The following CNTN4 variants were observed in gnomAD, a reference collection of about 807,000 sequenced individuals.
The protein encoded by CNTN4 is contactin 4.
CNTN4 carries 77 observed loss-of-function variants against 122.5 expected under a neutral mutation model. The ratio of observed to expected loss-of-function variants is 0.63; its 90% CI spans 0.52 to 0.76. CNTN4 has a LOEUF of 0.76. Among genes scored for constraint, CNTN4 ranks in the 30% least tolerant of loss-of-function variants. The pLI, the probability that CNTN4 is intolerant of heterozygous loss-of-function variation, is 0.00. For missense variants in CNTN4, 1,256 were observed against 1,259.1 expected, an observed-to-expected ratio of 1.00 and a Z score of 0.04; for synonymous variants, 512 against 447.0, an observed-to-expected ratio of 1.15 and a Z score of -1.83.
chr3:2,474,633 TCA>T (rs1559586704), intron 3 of CNTN4, among the ~76,000 whole-genome samples: 1 of 152,200 alleles, frequency 6.6e-6, no homozygotes, highest in Non-Finnish European at 1.5e-5. Flanking sequence ...TAAGGCAGTC[TCA>T]CACCCTATTA....
intron 2 of CNTN4, among the ~76,000 whole-genome samples, chr3:2,180,479 G>A (rs1025828345): frequency 1.2e-4 from 19 of 152,026 alleles, no homozygotes; most frequent in Middle Eastern, 3.4e-3. Flanking sequence ...CACATATTTT[G>A]GGTCCACTTG....
chr3:2,111,462 A>T (rs969227712), intron 2 of CNTN4, among the ~76,000 whole-genome samples: 1 of 152,166 alleles, frequency 6.6e-6, no homozygotes, highest in African/African-American at 2.4e-5. Flanking sequence ...CTCTTAAGAA[A>T]AGAAACATAA....
chr3:2,492,202 T>C (rs2076337804), intron 3 of CNTN4, among the ~76,000 whole-genome samples: 2 of 152,196 alleles, frequency 1.3e-5, no homozygotes, highest in South Asian at 4.1e-4. Context: ...TACTGTTGAA[T>C]TTTGATGTAA....
Position 3,057,641 on chromosome 3 carries a change from A to G in CNTN4, c.*1421A>G, listed in dbSNP as rs1701894830. The G allele has an allele frequency of 6.6e-6, 1 of 152,638 alleles. No homozygotes were observed. The highest frequency in any genetic ancestry group is 6.5e-5 in the Admixed American group (1 of 15,276). 9.5% of individuals were successfully genotyped at this position (152,638 alleles called of 1,614,324 possible). ...TGTCATTTTTGCTTACAAATAATAT[A>G]ACTTTTCAACCTTCTAGTTATATTT... On this transcript the variant is annotated 3_prime_UTR_variant, in exon 25 of 25. Coordinates refer to ENST00000418658, the MANE Select transcript of CNTN4 (RefSeq NM_175607.3).
At chr3:2,823,159 G>T (rs35619287) in intron 7 of CNTN4, among the ~76,000 whole-genome samples, 92,763 of 151,952 alleles carry the variant, frequency 0.61, 29,019 homozygotes, top group East Asian at 0.74. Context: ...ACCCTAAAGC[G>T]AGAAGAATCA....
chr3:2,642,003 C>T (rs761480049), intron 4 of CNTN4, among the ~76,000 whole-genome samples: 3 of 152,132 alleles, frequency 2.0e-5, no homozygotes, highest in Admixed American at 6.5e-5. Flanking sequence ...TCTAGAGGGA[C>T]AGAACTAATA....
chr3:2,172,809 A>G (rs922107647), intron 2 of CNTN4, among the ~76,000 whole-genome samples: 2 of 152,198 alleles, frequency 1.3e-5, no homozygotes, highest in Non-Finnish European at 2.9e-5. Context: ...AGAGGTAGTA[A>G]AAACCTGGAT....
intron 13 of CNTN4, among the ~76,000 whole-genome samples, chr3:2,943,904 G>A (rs1577354505): frequency 6.6e-6 from 1 of 151,828 alleles, no homozygotes; most frequent in South Asian, 2.1e-4. Context: ...GCCACAAACA[G>A]TTCCCTAGCA....
In CNTN4 at chr3:3,034,733, A is replaced by G; in HGVS notation, c.1885A>G (p.Met629Val). ...PGPDNHSPIT[M>V]YVIQARTPFS... Reference sequence around the variant, plus strand: ...GCCTGACAACCACAGCCCCATCACCATGTATGTCATTCAAGCCAGGACTCC... The same window carrying G: ...GCCTGACAACCACAGCCCCATCACCGTGTATGTCATTCAAGCCAGGACTCC... Residue 629 changes from methionine to valine, a missense_variant, in exon 17 of 25, where the codon ATG becomes GTG. By Grantham distance (21) the Met-to-Val change is conservative. Coordinates refer to ENST00000418658, the MANE Select transcript of CNTN4 (RefSeq NM_175607.3). 2 of 1,613,964 alleles carry G rather than the reference A, an allele frequency of 1.2e-6. No individual in the cohort carries two copies. Among genetic ancestry groups the G allele is most frequent in the Non-Finnish European group, 1.7e-6 (2 of 1,179,970 alleles).
At chr3:2,410,299 C>G (rs1037613151) in intron 3 of CNTN4, among the ~76,000 whole-genome samples, 8 of 152,126 alleles carry the variant, frequency 5.3e-5, no homozygotes, top group Admixed American at 3.9e-4. Context: ...TGGAATAGAA[C>G]AGAGAATTCT....
intron 6 of CNTN4, among the ~76,000 whole-genome samples, chr3:2,783,972 T>A (rs2091709720): frequency 6.6e-6 from 1 of 152,258 alleles, no homozygotes; most frequent in African/African-American, 2.4e-5. Context: ...TATACTCTTT[T>A]ATTAACCATA....
chr3:2,443,188 A>T (rs551667193), intron 3 of CNTN4, among the ~76,000 whole-genome samples: 1 of 151,746 alleles, frequency 6.6e-6, no homozygotes, highest in Non-Finnish European at 1.5e-5. Context: ...TAGAATTCAG[A>T]GGGATAAGTT....
intron 3 of CNTN4, among the ~76,000 whole-genome samples, chr3:2,424,943 A>T (rs760423356): frequency 4.7e-4 from 72 of 152,036 alleles, no homozygotes; most frequent in Non-Finnish European, 8.5e-4. Context: ...TAAATTTGTT[A>T]GAGTTCTTTG....
chr3:2,790,345 C>G (rs1030802219), intron 6 of CNTN4, among the ~76,000 whole-genome samples: 2 of 152,216 alleles, frequency 1.3e-5, no homozygotes, highest in Admixed American at 6.5e-5. Flanking sequence ...AAGAGATCCT[C>G]TGGGCCAGCT....
chr3:2,135,999 T>C (rs2034674775), intron 2 of CNTN4, among the ~76,000 whole-genome samples: 1 of 152,102 alleles, frequency 6.6e-6, no homozygotes, highest in Admixed American at 6.5e-5. Context: ...GGTTGTAGGG[T>C]TGGGTTTGTG....
chr3:2,598,805 A>G (rs1400234616), intron 4 of CNTN4, among the ~76,000 whole-genome samples: 1 of 152,176 alleles, frequency 6.6e-6, no homozygotes, highest in Non-Finnish European at 1.5e-5. Context: ...TGTCCCTCCA[A>G]CATATATACA....
intron 6 of CNTN4, among the ~76,000 whole-genome samples, chr3:2,753,071 G>A (rs774481117): frequency 1.3e-5 from 2 of 152,078 alleles, no homozygotes; most frequent in Non-Finnish European, 2.9e-5. Context: ...CAATAGTGCT[G>A]CAATAAATAT....
At chr3:2,337,102 A>G (rs2043984524) in intron 2 of CNTN4, among the ~76,000 whole-genome samples, 2 of 152,102 alleles carry the variant, frequency 1.3e-5, no homozygotes, top group Admixed American at 6.5e-5. Flanking sequence ...GGTCAGTCCC[A>G]TATATTCCCC....
chr3:2,848,124 A>C (rs1032299279), intron 7 of CNTN4, among the ~76,000 whole-genome samples: 1 of 152,040 alleles, frequency 6.6e-6, no homozygotes, highest in African/African-American at 2.4e-5. Flanking sequence ...AGTGGCATAC[A>C]CCTGTAGTCC....
Sources: allele counts gnomAD v4.1 joint callset (sites outside exome capture counted in the v4.1 genomes callset), GRCh38; gene constraint gnomAD v4.1.1; transcripts MANE v1.5; gene names NCBI Gene and HGNC (gene_info 2026-07-23, HGNC 2026-07-21).